Variants in STXBP5L observed in about 807,000 individuals in gnomAD.
STXBP5L encodes syntaxin-binding protein 5-like.
In STXBP5L, 65 loss-of-function variants were observed where a neutral mutation model predicts 144.5. That is an observed-to-expected ratio of 0.45 (90% CI 0.37 to 0.55). The LOEUF (loss-of-function observed/expected upper bound fraction) is 0.55. Ranked by LOEUF, STXBP5L falls within the 20% of genes least tolerant of loss-of-function variation. The pLI is 0.00. For synonymous variants in STXBP5L, 505 were observed against 469.6 expected, an observed-to-expected ratio of 1.08 and a Z score of -0.97; for missense variants, 1,298 against 1,405.5, an observed-to-expected ratio of 0.92 and a Z score of 1.22.
intron 11 of STXBP5L, among the ~76,000 whole-genome samples, chr3:121,233,176 C>T (rs1286912096): frequency 6.6e-6 from 1 of 152,130 alleles, no homozygotes; most frequent in Non-Finnish European, 1.5e-5. Context: ...TTATTATAAG[C>T]AGTGTTGCTC....
intron 22 of STXBP5L, among the ~76,000 whole-genome samples, chr3:121,393,511 AT>A (rs2046648239): frequency 6.6e-6 from 1 of 152,216 alleles, no homozygotes; most frequent in Admixed American, 6.5e-5. Flanking sequence ...ACCTAAGCCA[AT>A]GTCCACACAA....
chr3:121,189,632 G>A (rs2047554541), intron 9 of STXBP5L, among the ~76,000 whole-genome samples: 1 of 152,192 alleles, frequency 6.6e-6, no homozygotes, highest in African/African-American at 2.4e-5. Context: ...TAGCCTTGTA[G>A]TATAGTTTGA....
At chr3:121,381,225 A>T in intron 21 of STXBP5L, 68 bp from the exon 22 acceptor site, 1 of 1,436,660 alleles carries the variant, frequency 7.0e-7, no homozygotes, top group African/African-American at 1.5e-5. Context: ...ATTTATATAT[A>T]TTAAATCTGA....
intron 18 of STXBP5L, among the ~76,000 whole-genome samples, chr3:121,260,700 T>C (rs2050355999): frequency 6.6e-6 from 1 of 152,170 alleles, no homozygotes; most frequent in Admixed American, 6.6e-5. Context: ...TTTTATCAAA[T>C]AATACATTAC....
intron 3 of STXBP5L, among the ~76,000 whole-genome samples, chr3:120,971,143 A>T (rs1940198818): frequency 6.6e-6 from 1 of 152,142 alleles, no homozygotes. Context: ...GGCATTGGGA[A>T]AAATCTGGTT....
At chr3:121,342,299 G>T (rs980894940) in intron 20 of STXBP5L, among the ~76,000 whole-genome samples, 96 of 152,076 alleles carry the variant, frequency 6.3e-4, no homozygotes, top group African/African-American at 2.2e-3. Context: ...TTGAATGTAT[G>T]TAATTGAGGG....
chr3:121,342,848 T>C (rs2108587328), intron 20 of STXBP5L, among the ~76,000 whole-genome samples: 1 of 148,322 alleles, frequency 6.7e-6, no homozygotes, highest in Non-Finnish European at 1.5e-5. Flanking sequence ...TTATAGTCCT[T>C]TGGGTACATA....
At chr3:121,097,962 AT>A (rs941428647) in intron 5 of STXBP5L, among the ~76,000 whole-genome samples, 21 of 151,050 alleles carry the variant, frequency 1.4e-4, no homozygotes, top group Admixed American at 5.3e-4. Context: ...CAATACTCCC[AT>A]TTTTTTTTCT....
At chr3:121,093,821 A>G (rs937666141) in intron 5 of STXBP5L, among the ~76,000 whole-genome samples, 3 of 151,988 alleles carry the variant, frequency 2.0e-5, no homozygotes, top group Non-Finnish European at 4.4e-5. Flanking sequence ...TAGCTTTTGA[A>G]TGTGTTTGCT....
At chr3:120,965,057 G>C (rs1007796750) in intron 3 of STXBP5L, among the ~76,000 whole-genome samples, 1 of 151,958 alleles carries the variant, frequency 6.6e-6, no homozygotes, top group African/African-American at 2.4e-5. Flanking sequence ...ATCTTTGTTG[G>C]TTTAAAGTCT....
At chr3:121,034,085 C>T (rs913676357) in intron 3 of STXBP5L, among the ~76,000 whole-genome samples, 2 of 152,002 alleles carry the variant, frequency 1.3e-5, no homozygotes, top group African/African-American at 2.4e-5. Context: ...CTCTAGGTAG[C>T]AAATGGAGGT....
intron 9 of STXBP5L, among the ~76,000 whole-genome samples, chr3:121,190,511 T>A (rs2047600141): frequency 6.6e-6 from 1 of 152,212 alleles, no homozygotes; most frequent in South Asian, 2.1e-4. Flanking sequence ...CATTTCCCCC[T>A]TTTCTATTCG....
Position 121,045,514 on chromosome 3 carries a change from C to A in STXBP5L, c.449C>A (p.Ser150Tyr). The change falls in exon 5 of 27, where the codon TCT (serine) becomes TAT (tyrosine). Residue 150 changes from serine (S) to tyrosine (Y), a missense_variant. Transcript: ENST00000471454. ...LRQKRPAILH[S>Y]LKFNRERITY... ...CAAAAAAGGCCAGCCATACTCCATT[C>A]TCTTAAATTTAACCGGGAACGGTAA... The A allele has an allele frequency of 1.2e-6, 2 of 1,612,424 alleles. No individual in the cohort carries two copies. The highest frequency in any genetic ancestry group is 1.7e-6 in the Non-Finnish European group (2 of 1,179,174).
At chr3:121,334,778 C>T (rs1182134342) in intron 20 of STXBP5L, among the ~76,000 whole-genome samples, 1 of 152,004 alleles carries the variant, frequency 6.6e-6, no homozygotes, top group Admixed American at 6.6e-5. Flanking sequence ...ATGTTAAAAG[C>T]TCTCAACATA....
chr3:121,035,066 AT>A (rs1244694376), intron 3 of STXBP5L, among the ~76,000 whole-genome samples: 1 of 151,716 alleles, frequency 6.6e-6, no homozygotes, highest in Non-Finnish European at 1.5e-5. Context: ...TAATGGGGTT[AT>A]TTGTTTTACT....
In STXBP5L at chr3:120,956,965, A is replaced by T. The variant is rs531925902; in HGVS notation, c.287+1928A>T. 7.9e-5 allele frequency among the ~76,000 whole-genome samples: 12 copies of T among 152,004 alleles called. No homozygotes were observed. In the South Asian group the frequency reaches 2.1e-3, roughly 26 times the overall value. On this transcript the variant is annotated intron_variant, in intron 3 of 26. Coordinates refer to ENST00000471454, the MANE Select transcript of STXBP5L (RefSeq NM_001308330.2). ...AGAGTTTTATAGTTTTAGGTTTTACATTTGGGCCTTTTATCCATTTCTGAG... is the reference window on the plus strand; with the variant it reads ...AGAGTTTTATAGTTTTAGGTTTTACTTTTGGGCCTTTTATCCATTTCTGAG...
intron 7 of STXBP5L, among the ~76,000 whole-genome samples, chr3:121,129,870 G>A (rs2044892186): frequency 1.3e-5 from 2 of 151,836 alleles, no homozygotes; most frequent in Non-Finnish European, 2.9e-5. Flanking sequence ...AAAGATCCAG[G>A]GGCCTGTACC....
chr3:121,095,375 G>T (rs2043062193), intron 5 of STXBP5L, among the ~76,000 whole-genome samples: 2 of 152,174 alleles, frequency 1.3e-5, no homozygotes, highest in African/African-American at 4.8e-5. Flanking sequence ...ATAACCTGCA[G>T]AGTGTTTTCC....
intron 3 of STXBP5L, among the ~76,000 whole-genome samples, chr3:120,983,899 A>G (rs1942041791): frequency 6.6e-6 from 1 of 152,164 alleles, no homozygotes; most frequent in African/African-American, 2.4e-5. Flanking sequence ...TTCTTAATGG[A>G]AGAGGCACCT....
Sources: allele counts gnomAD v4.1 joint callset (sites outside exome capture counted in the v4.1 genomes callset), GRCh38; gene constraint gnomAD v4.1.1; transcripts MANE v1.5; gene names NCBI Gene and HGNC (gene_info 2026-07-23, HGNC 2026-07-21).